STK3: variants seen among roughly 807,000 people sequenced by gnomAD.
STK3 encodes the protein serine/threonine-protein kinase 3.
A neutral mutation model predicts 58.0 loss-of-function variants in STK3; 41 were observed. The ratio of observed to expected loss-of-function variants is 0.71; its 90% CI spans 0.55 to 0.92. The LOEUF is 0.92. Among genes scored for constraint, STK3 ranks in the 40% least tolerant of loss-of-function variants. STK3 has a pLI of 0.00. For missense variants in STK3, 479 were observed against 602.7 expected (o/e 0.79, Z 2.15); for synonymous variants, 170 against 191.0 (o/e 0.89, Z 0.91).
intron 6 of STK3, 101 bp downstream of exon 6, chr8:98,706,366 A>T: frequency 8.2e-7 from 1 of 1,220,680 alleles, no homozygotes; most frequent in Non-Finnish European, 1.1e-6. Flanking sequence ...AAAAGAATAC[A>T]TTTAAATGAA....
intron 4 of STK3, among the ~76,000 whole-genome samples, chr8:98,730,054 T>C (rs1268781328): frequency 6.6e-6 from 1 of 152,218 alleles, no homozygotes; most frequent in Non-Finnish European, 1.5e-5. Context: ...GAAAAGTACC[T>C]GGCACATAAA....
chr8:98,402,476 T>C (rs1484400573), intron 3 of STK3, among the ~76,000 whole-genome samples: 1 of 152,156 alleles, frequency 6.6e-6, no homozygotes, highest in Non-Finnish European at 1.5e-5. Context: ...GAAGCGAAAG[T>C]CTGGGCCCCA....
At chr8:98,549,999 C>T (rs2131590835) in intron 8 of STK3, among the ~76,000 whole-genome samples, 1 of 152,108 alleles carries the variant, frequency 6.6e-6, no homozygotes, top group South Asian at 2.1e-4. Context: ...AGAGCAAGAC[C>T]CCATTTCAAA....
chr8:98,907,127 C>A (rs989844886), intron 1 of STK3, among the ~76,000 whole-genome samples: 3 of 152,078 alleles, frequency 2.0e-5, no homozygotes, highest in African/African-American at 7.2e-5. Context: ...CACTGCACTC[C>A]AGCCTGGGCG....
intron 1 of STK3, among the ~76,000 whole-genome samples, chr8:98,917,171 T>C (rs945756238): frequency 2.6e-5 from 4 of 152,176 alleles, no homozygotes; most frequent in Non-Finnish European, 5.9e-5. Context: ...ATTCCAGAAA[T>C]CTGCTGAAAT....
chr8:98,671,963 C>T (rs553666367), intron 6 of STK3, among the ~76,000 whole-genome samples: 4 of 152,292 alleles, frequency 2.6e-5, no homozygotes, highest in Admixed American at 2.6e-4. Flanking sequence ...CCTTTGCTTG[C>T]CACTCATTCT....
At chr8:98,448,919 G>C (rs1366097342) in intron 1 of STK3, among the ~76,000 whole-genome samples, 1 of 152,010 alleles carries the variant, frequency 6.6e-6, no homozygotes, top group South Asian at 2.1e-4. Context: ...GAATTGAATA[G>C]TAAAAATGGA....
intron 4 of STK3, among the ~76,000 whole-genome samples, chr8:98,735,802 A>T (rs1207529881): frequency 6.6e-6 from 1 of 152,118 alleles, no homozygotes; most frequent in Non-Finnish European, 1.5e-5. Context: ...AGTTACAATC[A>T]CTGGAATATG....
intron 3 of STK3, chr8:98,401,656 A>G (rs1041279765): frequency 2.6e-5 from 4 of 152,208 alleles, no homozygotes; most frequent in Non-Finnish European, 4.4e-5. Flanking sequence ...CTGAGTGGGT[A>G]GTAGACCACG....
At chr8:98,806,450 G>A (rs1833890556) in intron 1 of STK3, among the ~76,000 whole-genome samples, 1 of 152,150 alleles carries the variant, frequency 6.6e-6, no homozygotes, top group Non-Finnish European at 1.5e-5. Flanking sequence ...GGCTGAAATG[G>A]CCAATGGGGA....
chr8:98,853,254 C>T (rs897392657), intron 3 of STK3, among the ~76,000 whole-genome samples: 9 of 152,106 alleles, frequency 5.9e-5, no homozygotes, highest in Admixed American at 5.2e-4. Flanking sequence ...ATTTCATTAC[C>T]TAATATTGTC....
At chr8:98,878,300 G>A (rs1394815112) in intron 3 of STK3, among the ~76,000 whole-genome samples, 3 of 152,038 alleles carry the variant, frequency 2.0e-5, no homozygotes, top group Non-Finnish European at 2.9e-5. Flanking sequence ...TGATCCACCC[G>A]CCTCTGCCTC....
chr8:98,450,137 A>T (rs1309996714), downstream of STK3, among the ~76,000 whole-genome samples: 1 of 152,194 alleles, frequency 6.6e-6, no homozygotes, highest in Non-Finnish European at 1.5e-5. Flanking sequence ...AGAATACTTT[A>T]AAAAATTGAG....
chr8:98,791,540 T>C (rs1004835546), intron 1 of STK3, among the ~76,000 whole-genome samples: 1 of 152,120 alleles, frequency 6.6e-6, no homozygotes, highest in Non-Finnish European at 1.5e-5. Context: ...AGAACAAATC[T>C]GGAGGCATCG....
chr8:98,525,957 T>G (rs1825715064), intron 10 of STK3, among the ~76,000 whole-genome samples: 1 of 151,840 alleles, frequency 6.6e-6, no homozygotes, highest in Admixed American at 6.6e-5. Flanking sequence ...TAAATAAAAC[T>G]ATAAAGGATT....
At chr8:98,448,544 A>G (rs907459786) in intron 1 of STK3, among the ~76,000 whole-genome samples, 4 of 152,202 alleles carry the variant, frequency 2.6e-5, no homozygotes, top group African/African-American at 9.6e-5. Context: ...GTCGGTATAC[A>G]CTGAACATCA....
chr8:98,613,435 A>T (rs180865269), intron 6 of STK3, among the ~76,000 whole-genome samples: 171 of 152,288 alleles, frequency 1.1e-3, no homozygotes, highest in African/African-American at 3.9e-3. Flanking sequence ...AAGAGTCTTT[A>T]AAAAAATGCT....
At chr8:98,923,141 A>G (rs1839637377) in intron 1 of STK3, among the ~76,000 whole-genome samples, 2 of 152,210 alleles carry the variant, frequency 1.3e-5, no homozygotes, top group Admixed American at 1.3e-4. Flanking sequence ...AATATATCTA[A>G]AGCAAATTGT....
downstream of STK3, among the ~76,000 whole-genome samples, chr8:98,366,960 C>T (rs111834230): frequency 5.8e-3 from 882 of 152,344 alleles, 7 homozygotes; most frequent in African/African-American, 0.02. Flanking sequence ...TTTGCCAATC[C>T]GGACATCAAG....
Sources: allele counts gnomAD v4.1 joint callset (sites outside exome capture counted in the v4.1 genomes callset), GRCh38; gene constraint gnomAD v4.1.1; transcripts MANE v1.5; gene names NCBI Gene and HGNC (gene_info 2026-07-23, HGNC 2026-07-21).